NUDCD3: variants seen among roughly 807,000 people sequenced by gnomAD.
The protein encoded by NUDCD3 is nudC domain-containing protein 3.
Under a neutral mutation model 39.7 loss-of-function variants are expected in NUDCD3, and 13 were observed. The ratio of observed to expected loss-of-function variants is 0.33; its 90% confidence interval spans 0.21 to 0.52. The LOEUF is 0.52. NUDCD3 is among the 20% of genes least tolerant of loss of function. The pLI, the probability that NUDCD3 is intolerant of heterozygous loss-of-function variation, is 0.96. For synonymous variants in NUDCD3, 175 were observed against 172.4 expected, an observed-to-expected ratio of 1.02 and a Z score of -0.12; for missense variants, 453 against 458.1, an observed-to-expected ratio of 0.99 and a Z score of 0.10.
chr7:44,422,261 T>C (rs1197621792), intron 3 of NUDCD3, among the ~76,000 whole-genome samples: 1 of 151,796 alleles, frequency 6.6e-6, no homozygotes. Flanking sequence ...ATTCAAAAGC[T>C]AGCAGAAGAT....
At chr7:44,471,910 C>T (rs1434588074) in intron 2 of NUDCD3, 1 of 152,332 alleles carries the variant, frequency 6.6e-6, no homozygotes, top group Non-Finnish European at 1.5e-5. Flanking sequence ...TCCACCCTCA[C>T]TGCCTTGGTG....
chr7:44,426,063 C>A, intron 3 of NUDCD3: 3 of 920,098 alleles, frequency 3.3e-6, no homozygotes, highest in Non-Finnish European at 3.9e-6. Flanking sequence ...CCACAGCACA[C>A]AGGCCTGGCC....
chr7:44,445,723 G>A (rs1274355206), intron 2 of NUDCD3, among the ~76,000 whole-genome samples: 1 of 152,192 alleles, frequency 6.6e-6, no homozygotes, highest in Non-Finnish European at 1.5e-5. Flanking sequence ...ATGGAAATCC[G>A]TTACGACAAC....
chr7:44,484,971 G>C lies in NUDCD3; in HGVS notation c.506C>G (p.Pro169Arg). The C allele has an allele frequency of 6.3e-7, 1 of 1,591,630 alleles. No homozygotes were observed. The highest frequency in any genetic ancestry group is 8.6e-7 in the Non-Finnish European group (1 of 1,168,188). The change falls in exon 2 of 6, where the codon CCC (proline) becomes CGC (arginine). Residue 169 changes from proline to arginine, a missense_variant. Pro to Arg is a moderately radical substitution (Grantham distance 103). Transcript: ENST00000355451. ...AEVPREPPIL[P>R]RIQEQFQKNP... is the part of the protein sequence containing the mutation. ...GCTGCAAAGTAGAAATTCCCACCTG[G>C]GAAGAATTGGTGGTTCCCTAGGGAC...
chr7:44,480,995 GGATT>G (rs1800480005), intron 2 of NUDCD3, among the ~76,000 whole-genome samples: 1 of 134,322 alleles, frequency 7.4e-6, no homozygotes. Context: ...AAAAAAAAAT[GGATT>G]GTTTTGTCTG....
intron 2 of NUDCD3, among the ~76,000 whole-genome samples, chr7:44,440,808 C>A (rs899788614): frequency 3.3e-5 from 5 of 152,146 alleles, no homozygotes; most frequent in Non-Finnish European, 7.3e-5. Flanking sequence ...CAATTCTTAG[C>A]CTGTTGTGAG....
At chr7:44,416,976 C>T (rs1035045365) in intron 3 of NUDCD3, among the ~76,000 whole-genome samples, 2 of 152,196 alleles carry the variant, frequency 1.3e-5, no homozygotes, top group Non-Finnish European at 1.5e-5. Flanking sequence ...GGGCACCACA[C>T]GAGTGCTGGT....
At chr7:44,431,542 A>C (rs913799423) in intron 2 of NUDCD3, among the ~76,000 whole-genome samples, 7 of 152,140 alleles carry the variant, frequency 4.6e-5, no homozygotes, top group African/African-American at 1.4e-4. Flanking sequence ...ACTGTCATGC[A>C]GACAAGCAGT....
intron 3 of NUDCD3, among the ~76,000 whole-genome samples, chr7:44,407,152 C>T (rs1798837390): frequency 6.6e-6 from 1 of 151,958 alleles, no homozygotes; most frequent in African/African-American, 2.4e-5. Context: ...GCAAAGCTGA[C>T]TGGTCAATCC....
intron 2 of NUDCD3, among the ~76,000 whole-genome samples, chr7:44,442,699 T>C (rs1401607479): frequency 1.3e-5 from 2 of 149,000 alleles, no homozygotes; most frequent in African/African-American, 2.4e-5. Context: ...TTTTCTTTTT[T>C]TTTTTTTTTT....
chr7:44,394,000 C>A (rs1001231683), intron 4 of NUDCD3, among the ~76,000 whole-genome samples: 16 of 152,212 alleles, frequency 1.1e-4, no homozygotes, highest in African/African-American at 3.6e-4. Flanking sequence ...CTGCCAAAAC[C>A]TACCCACACC....
chr7:44,488,596 G>C (rs1240018966), intron 1 of NUDCD3, among the ~76,000 whole-genome samples: 1 of 151,996 alleles, frequency 6.6e-6, no homozygotes, highest in Non-Finnish European at 1.5e-5. Flanking sequence ...ATAGCCTATG[G>C]GCAGGGACTC....
At chr7:44,394,167 A>T (rs1798575075) in intron 4 of NUDCD3, among the ~76,000 whole-genome samples, 1 of 152,200 alleles carries the variant, frequency 6.6e-6, no homozygotes, top group Non-Finnish European at 1.5e-5. Context: ...TGCAATCATG[A>T]TCTGAAGCCA....
At chr7:44,471,514 T>A (rs1417580193) in intron 2 of NUDCD3, among the ~76,000 whole-genome samples, 1 of 152,188 alleles carries the variant, frequency 6.6e-6, no homozygotes, top group African/African-American at 2.4e-5. Flanking sequence ...ACTTCTCTGC[T>A]GACAGAATGA....
intron 2 of NUDCD3, chr7:44,467,843 G>A (rs1387419805): frequency 1.4e-5 from 17 of 1,244,482 alleles, no homozygotes; most frequent in Non-Finnish European, 1.8e-5. Flanking sequence ...AAAAGAAAAG[G>A]CTCTCTTCCT....
intron 2 of NUDCD3, among the ~76,000 whole-genome samples, chr7:44,439,677 G>C (rs1799538901): frequency 6.6e-6 from 1 of 151,572 alleles, no homozygotes; most frequent in Non-Finnish European, 1.5e-5. Context: ...GCCAGAGCTG[G>C]AACAGTGTGG....
chr7:44,474,698 T>C (rs1432825426), intron 2 of NUDCD3, among the ~76,000 whole-genome samples: 7 of 152,154 alleles, frequency 4.6e-5, no homozygotes, highest in African/African-American at 1.7e-4. Flanking sequence ...CACTGCAAAA[T>C]AAAAATAAAC....
intron 3 of NUDCD3, 37 bp from the exon 4 acceptor site, chr7:44,404,620 AG>A: frequency 1.2e-6 from 2 of 1,607,658 alleles, no homozygotes; most frequent in Non-Finnish European, 1.7e-6. Flanking sequence ...CTCTCCTATC[AG>A]GGTGACCACT....
chr7:44,415,333 AAGAG>A (rs147574371), intron 3 of NUDCD3, among the ~76,000 whole-genome samples: 1 of 151,446 alleles, frequency 6.6e-6, no homozygotes, highest in Non-Finnish European at 1.5e-5. Context: ...GGGTACACTG[AAGAG>A]AGAGAGAGAG....
Sources: allele counts gnomAD v4.1 joint callset (sites outside exome capture counted in the v4.1 genomes callset), GRCh38; gene constraint gnomAD v4.1.1; transcripts MANE v1.5; gene names NCBI Gene and HGNC (gene_info 2026-07-23, HGNC 2026-07-21).